EDEM3: variants seen among roughly 807,000 people sequenced by gnomAD.
EDEM3 encodes the protein ER degradation-enhancing alpha-mannosidase-like protein 3.
A neutral mutation model predicts 110.2 loss-of-function variants in EDEM3; 60 were observed. The ratio of observed to expected loss-of-function variants is 0.54; its 90% CI spans 0.44 to 0.67. The LOEUF (loss-of-function observed/expected upper bound fraction) is 0.67, where lower values mean the gene tolerates loss of function less well. Ranked by LOEUF, EDEM3 falls within the 30% of genes least tolerant of loss-of-function variation. EDEM3 has a pLI of 0.00. For synonymous variants in EDEM3, 352 were observed against 382.9 expected, an observed-to-expected ratio of 0.92 and a Z score of 0.94; for missense variants, 996 against 1,121.0, an observed-to-expected ratio of 0.89 and a Z score of 1.59.
At position 184,719,562 on chromosome 1, in the gene EDEM3, C is replaced by T; in HGVS notation, c.958G>A (p.Asp320Asn). 1.2e-6 allele frequency: 2 copies of T among 1,613,644 alleles called. No homozygotes were observed. The highest frequency in any genetic ancestry group is 1.7e-6 in the Non-Finnish European group (2 of 1,179,896). ...TGGCTAATATACCTCATTATGGCAT[C>T]ATAGTGCTAAAAGATCACAACATGT... ...SFLERFNTHYDAIMRYISQPP... is the reference protein window; with the variant it reads ...SFLERFNTHYNAIMRYISQPP... The change falls in exon 10 of 20, where the codon GAT (aspartate) becomes AAT (asparagine). Residue 320 changes from aspartate (D) to asparagine (N), a missense_variant. By Grantham distance (23) the Asp-to-Asn change is conservative. This residue lies in a region of EDEM3 where 310 missense variants were observed against 394.6 expected (regional missense o/e 0.79). Coordinates refer to ENST00000318130, the MANE Select transcript of EDEM3 (RefSeq NM_025191.4).
intron 18 of EDEM3, 65 bp downstream of exon 18, chr1:184,706,578 A>G (rs1649939395): frequency 1.4e-6 from 2 of 1,408,672 alleles, no homozygotes; most frequent in African/African-American, 2.9e-5. Context: ...TTAGAAAATA[A>G]AAGGGAAAAA....
At chr1:184,718,286 A>AC (rs1650667287) in intron 11 of EDEM3, among the ~76,000 whole-genome samples, 1 of 152,136 alleles carries the variant, frequency 6.6e-6, no homozygotes, top group Non-Finnish European at 1.5e-5. Context: ...ATTCAATAAC[A>AC]TAATCAATTG....
chr1:184,732,707 G>T, intron 6 of EDEM3, 130 bp downstream of exon 6: 1 of 799,006 alleles, frequency 1.3e-6, no homozygotes, highest in Non-Finnish European at 1.9e-6. Context: ...ATATAAATTT[G>T]TTATATAGCT....
chr1:184,719,540 C>T lies in EDEM3; in HGVS notation c.980G>A (p.Ser327Asn). The change falls in exon 10 of 20, where the codon AGC becomes AAC. Residue 327 changes from serine to asparagine, a missense_variant. By Grantham distance (46) the Ser-to-Asn change is conservative. Transcript: ENST00000318130. ...THYDAIMRYI[S>N]QPPLLLDVHI... Reference sequence around the variant, plus strand: ...CACATCAAGTAGAAGAGGTGGCTGGCTAATATACCTCATTATGGCATCATA... The same window carrying T: ...CACATCAAGTAGAAGAGGTGGCTGGTTAATATACCTCATTATGGCATCATA... 7.4e-6 allele frequency: 12 copies of T among 1,613,800 alleles called. No homozygotes were observed. The highest frequency in any genetic ancestry group is 1.0e-5 in the Non-Finnish European group (12 of 1,179,946).
In EDEM3 at chr1:184,701,431, T is replaced by A. The variant is rs930049930; in HGVS notation, c.2389+1380A>T. 13 of 980,926 alleles carry A rather than the reference T, an allele frequency of 1.3e-5. No homozygotes were observed. In the African/African-American group the frequency reaches 2.2e-4, roughly 17 times the overall value. The allele number at this position is 980,926 out of a possible 1,614,324, so 60.8% of individuals were successfully genotyped here. A position where few individuals can be genotyped will look rare whatever the true frequency, so the allele number is the denominator to read the frequency against. On this transcript the variant is annotated intron_variant, in intron 19 of 19. Coordinates refer to ENST00000318130, the MANE Select transcript of EDEM3 (RefSeq NM_025191.4). ...ACAAAATTATATATGTACTTGAGTG[T>A]GTGTACACACACCCAAATACATATA...
rs371671154 is a variant in EDEM3, at chr1:184,751,644, GA to G, written c.159-2053del. 2.9e-3 allele frequency among the ~76,000 whole-genome samples: 440 copies of G among 151,512 alleles called. 5 individuals are homozygous for G. In the East Asian group the frequency reaches 0.036, roughly 12 times the overall value. The stretch of plus-strand genomic sequence containing the variant: ...GGTATAATAATTACTATACTGAACA[GA>G]AAAAAAAATTTCCATAATGTTTTAT... On this transcript the variant is annotated intron_variant, in intron 1 of 19. Coordinates refer to ENST00000318130, the MANE Select transcript of EDEM3 (RefSeq NM_025191.4).
chr1:184,711,616 C>T (rs538201645), intron 15 of EDEM3, 107 bp downstream of exon 15: 76 of 926,766 alleles, frequency 8.2e-5, no homozygotes, highest in African/African-American at 5.1e-4. Flanking sequence ...TCAACATTTT[C>T]GGCCTATGTG....
chr1:184,736,917 C>T (rs1651857878), intron 4 of EDEM3, 108 bp downstream of exon 4: 1 of 895,314 alleles, frequency 1.1e-6, no homozygotes, highest in Non-Finnish European at 1.8e-6. Context: ...ATCAGAACAT[C>T]TTTAATTCTG....
chr1:184,732,092 C>T (rs1280888024), intron 6 of EDEM3, among the ~76,000 whole-genome samples: 5 of 152,028 alleles, frequency 3.3e-5, no homozygotes, highest in Admixed American at 1.3e-4. Context: ...AGGAGAATGG[C>T]GTGAACCTGG....
At chr1:184,703,061 T>C in intron 18 of EDEM3, 65 bp from the exon 19 acceptor site, 5 of 1,240,984 alleles carry the variant, frequency 4.0e-6, no homozygotes, top group Admixed American at 3.3e-5. Flanking sequence ...TATCTACTAA[T>C]TGTTACTGAT....
At chr1:184,743,073 T>G (rs1168660258) in intron 2 of EDEM3, among the ~76,000 whole-genome samples, 1 of 152,190 alleles carries the variant, frequency 6.6e-6, no homozygotes, top group South Asian at 2.1e-4. Context: ...TTAATCTAGA[T>G]AATAAAAATA....
intron 19 of EDEM3, 133 bp from the exon 20 acceptor site, chr1:184,694,605 G>T (rs971782774): frequency 1.2e-6 from 1 of 833,674 alleles, no homozygotes; most frequent in Non-Finnish European, 1.8e-6. Context: ...AGAAAGGTGA[G>T]CATCAGCACT....
chr1:184,707,400 T>C (rs1273798931), intron 17 of EDEM3, among the ~76,000 whole-genome samples: 1 of 152,206 alleles, frequency 6.6e-6, no homozygotes, highest in Non-Finnish European at 1.5e-5. Flanking sequence ...GTAAATTCCA[T>C]AAGGGCATGG....
intron 4 of EDEM3, among the ~76,000 whole-genome samples, chr1:184,735,316 T>A (rs1163300084): frequency 6.6e-6 from 1 of 152,214 alleles, no homozygotes; most frequent in African/African-American, 2.4e-5. Flanking sequence ...ATGATTTTAG[T>A]AGAGTGTCTG....
rs760795065 is a variant in EDEM3 at position 184,712,619 on chromosome 1, T to C, written c.1371-21A>G. On this transcript the variant is annotated intron_variant, in intron 13 of 19. Coordinates refer to ENST00000318130, the MANE Select transcript of EDEM3 (RefSeq NM_025191.4). ...CCATTCTAAAATAAAAAGTCACAAA[T>C]AAATATAAGTAGATAAAAATAATTT... The C allele has an allele frequency of 1.5e-5, 22 of 1,438,360 alleles. No homozygotes were observed. In the South Asian group the frequency reaches 2.6e-4, roughly 17 times the overall value. The allele number at this position is 1,438,360 out of a possible 1,614,324, so 89.1% of individuals were successfully genotyped here. A position where few individuals can be genotyped will look rare whatever the true frequency, so the allele number is the denominator to read the frequency against.
intron 6 of EDEM3, among the ~76,000 whole-genome samples, chr1:184,729,022 T>C: frequency 6.6e-6 from 1 of 152,132 alleles, no homozygotes; most frequent in African/African-American, 2.4e-5. Flanking sequence ...TACGGGATCC[T>C]CTGGTGGATC....
chr1:184,736,154 C>T (rs886678539), intron 4 of EDEM3, among the ~76,000 whole-genome samples: 3 of 152,048 alleles, frequency 2.0e-5, no homozygotes, highest in Non-Finnish European at 4.4e-5. Context: ...AGTCCCACTC[C>T]ACAACAACTG....
chr1:184,710,191 GATTT>G (rs1333886264), intron 16 of EDEM3, among the ~76,000 whole-genome samples, 199 bp downstream of exon 16: 1 of 152,112 alleles, frequency 6.6e-6, no homozygotes, highest in Non-Finnish European at 1.5e-5. Flanking sequence ...ACCTAGCTCT[GATTT>G]ATTTAATTGA....
chr1:184,753,563 A>G (rs111476468), intron 1 of EDEM3, among the ~76,000 whole-genome samples: 2 of 152,294 alleles, frequency 1.3e-5, no homozygotes, highest in African/African-American at 4.8e-5. Flanking sequence ...GATACTACCA[A>G]TAAGTTACAG....
Sources: gnomAD v4.1 joint callset for allele counts (sites outside exome capture counted in the v4.1 genomes callset) on GRCh38, gnomAD v4.1.1 for gene constraint, gnomAD v4.1.1 regional missense constraint, MANE v1.5 for transcripts, NCBI Gene and HGNC (gene_info 2026-07-23, HGNC 2026-07-21) for gene names.